Variants in CACNA2D1 observed in about 807,000 individuals in gnomAD.
CACNA2D1 encodes the protein calcium voltage-gated channel auxiliary subunit alpha2delta 1.
CACNA2D1 carries 53 observed loss-of-function variants against 171.5 expected under a neutral mutation model. That is an observed-to-expected ratio of 0.31 (90% CI 0.25 to 0.39). The LOEUF (loss-of-function observed/expected upper bound fraction) is 0.39. Ranked by LOEUF, CACNA2D1 falls within the 10% of genes least tolerant of loss-of-function variation. The pLI is 1.00. For missense variants in CACNA2D1, 903 were observed against 1,299.8 expected (o/e 0.69, Z 4.69); for synonymous variants, 442 against 443.1 (o/e 1.00, Z 0.03).
intron 3 of CACNA2D1, among the ~76,000 whole-genome samples, chr7:82,221,200 T>C (rs975473184): frequency 7.9e-5 from 12 of 151,974 alleles, no homozygotes; most frequent in Non-Finnish European, 1.8e-4. Context: ...GTGTATATTC[T>C]ACACACATGC....
At chr7:82,426,687 A>T (rs1267911980) in intron 1 of CACNA2D1, among the ~76,000 whole-genome samples, 1 of 152,176 alleles carries the variant, frequency 6.6e-6, no homozygotes, top group African/African-American at 2.4e-5. Context: ...AAGGGAGAAC[A>T]CCTAGGGCCT....
chr7:82,290,302 G>A (rs976603876), intron 3 of CACNA2D1, among the ~76,000 whole-genome samples: 1 of 152,016 alleles, frequency 6.6e-6, no homozygotes, highest in African/African-American at 2.4e-5. Flanking sequence ...ATTAATTGTT[G>A]TTATTTTAAT....
chr7:82,024,539 A>G (rs1466925770), intron 12 of CACNA2D1, among the ~76,000 whole-genome samples: 3 of 151,724 alleles, frequency 2.0e-5, no homozygotes, highest in Non-Finnish European at 4.4e-5. Flanking sequence ...CATATTTTGT[A>G]TACTAACCCC....
intron 22 of CACNA2D1, 152 bp from the exon 23 acceptor site, chr7:81,983,486 A>C (rs1796645825): frequency 1.5e-6 from 1 of 676,288 alleles, no homozygotes; most frequent in Admixed American, 2.5e-5. Context: ...CTGTAGTCTG[A>C]GGAAAAAAAA....
In CACNA2D1 at chr7:81,968,962, C is replaced by A. The variant is rs761701811; in HGVS notation, c.2320G>T (p.Gly774Cys). 2 of 1,572,948 alleles carry A rather than the reference C, an allele frequency of 1.3e-6. No homozygotes were observed. Among genetic ancestry groups the A allele is most frequent in the East Asian group, 2.2e-5 (1 of 44,478 alleles). The change falls in exon 29 of 39, where the codon GGT becomes TGT. Residue 774 changes from glycine (G) to cysteine (C), a missense_variant. Physicochemically the swap from Gly to Cys is radical, Grantham distance 159. Around this residue, in one of 5 missense-constraint regions of CACNA2D1, gnomAD observed 623 missense variants for 925.5 expected, o/e 0.67. Coordinates refer to ENST00000356860, the MANE Select transcript of CACNA2D1 (RefSeq NM_000722.4). ...TAPYFNKSGP[G>C]AYESGIMVSK... is the part of the protein sequence containing the mutation. ...ACCATAATGCCCGATTCATAGGCAC[C>A]AGGTCCACTTTCTAAAAAAAAAATA...
intron 7 of CACNA2D1, among the ~76,000 whole-genome samples, chr7:82,069,196 T>C (rs1808021582): frequency 6.6e-6 from 1 of 152,128 alleles, no homozygotes; most frequent in Non-Finnish European, 1.5e-5. Flanking sequence ...TTATGAAAGA[T>C]CAAAGAGTAA....
chr7:81,961,916 A>T lies in CACNA2D1; in HGVS notation c.2944T>A (p.Leu982Ile), dbSNP rs1391044777. 6.2e-7 allele frequency: 1 copy of T among 1,610,040 alleles called. No individual in the cohort carries two copies. Among genetic ancestry groups the T allele is most frequent in the Non-Finnish European group, 8.5e-7 (1 of 1,176,848 alleles). ...DNDSKSFSGV[L>I]DCGNCSRIFH... ...TACCTGGAACAGTTTCCACAGTCTAATACACCACTGAATGATTTACTGTCG... is the reference window on the plus strand; with the variant it reads ...TACCTGGAACAGTTTCCACAGTCTATTACACCACTGAATGATTTACTGTCG... The change falls in exon 36 of 39, where the codon TTA becomes ATA. Residue 982 changes from leucine (L) to isoleucine (I), a missense_variant. Leu to Ile is a conservative substitution (Grantham distance 5, BLOSUM62 2). Transcript: ENST00000356860.
At chr7:82,198,378 A>G (rs1799062068) in intron 3 of CACNA2D1, among the ~76,000 whole-genome samples, 1 of 152,076 alleles carries the variant, frequency 6.6e-6, no homozygotes, top group Non-Finnish European at 1.5e-5. Context: ...GAGTCTCATT[A>G]TTTACCACCT....
At chr7:82,031,563 CTGTAGTACA>C (rs1476750306) in intron 12 of CACNA2D1, among the ~76,000 whole-genome samples, 1 of 151,892 alleles carries the variant, frequency 6.6e-6, no homozygotes, top group African/African-American at 2.4e-5. Flanking sequence ...CTGTATGACA[CTGTAGTACA>C]TGCAGTAAGC....
In CACNA2D1 at chr7:81,968,965, G is replaced by T; in HGVS notation, c.2317C>A (p.Pro773Thr). The change falls in exon 29 of 39, where the codon CCT becomes ACT. Residue 773 changes from proline to threonine, a missense_variant. Pro to Thr is a conservative substitution (Grantham distance 38, BLOSUM62 -1). Around this residue, in one of 5 missense-constraint regions of CACNA2D1, gnomAD observed 623 missense variants for 925.5 expected, o/e 0.67. Coordinates refer to ENST00000356860, the MANE Select transcript of CACNA2D1 (RefSeq NM_000722.4). The stretch of plus-strand genomic sequence containing the variant: ...ATAATGCCCGATTCATAGGCACCAG[G>T]TCCACTTTCTAAAAAAAAAATAAAT... The part of the protein sequence containing the change: ...FTAPYFNKSG[P>T]GAYESGIMVS... 1 of 1,565,368 alleles carries T rather than the reference G, an allele frequency of 6.4e-7. No homozygotes were observed. The highest frequency in any genetic ancestry group is 8.8e-7 in the Non-Finnish European group (1 of 1,139,614).
At chr7:82,133,183 A>G (rs150382601) in intron 5 of CACNA2D1, among the ~76,000 whole-genome samples, 95 of 152,326 alleles carry the variant, frequency 6.2e-4, no homozygotes, top group African/African-American at 2.1e-3. Context: ...ATAAATATTT[A>G]CATACTGCTT....
intron 10 of CACNA2D1, among the ~76,000 whole-genome samples, chr7:82,045,131 G>A (rs201606071): frequency 0.011 from 1,676 of 146,216 alleles, 61 homozygotes; most frequent in Admixed American, 0.083. Flanking sequence ...AGAAAAAAAT[G>A]CTTTCTAGGT....
At chr7:82,330,640 A>G (rs1211412882) in intron 3 of CACNA2D1, among the ~76,000 whole-genome samples, 1 of 152,150 alleles carries the variant, frequency 6.6e-6, no homozygotes. Flanking sequence ...TTCTTTCACT[A>G]AATCATTCTT....
chr7:82,100,002 G>A (rs1253667693), intron 6 of CACNA2D1, among the ~76,000 whole-genome samples: 1 of 151,986 alleles, frequency 6.6e-6, no homozygotes, highest in Non-Finnish European at 1.5e-5. Flanking sequence ...CCAAGGTGAT[G>A]GGTTGCATGT....
intron 3 of CACNA2D1, among the ~76,000 whole-genome samples, chr7:82,308,583 T>G (rs959464494): frequency 1.3e-5 from 2 of 152,188 alleles, no homozygotes; most frequent in Non-Finnish European, 2.9e-5. Context: ...TTGCTGCCCA[T>G]TTTCAAACTT....
intron 6 of CACNA2D1, among the ~76,000 whole-genome samples, chr7:82,114,701 A>T (rs1005256440): frequency 6.7e-5 from 10 of 148,342 alleles, no homozygotes; most frequent in Non-Finnish European, 1.2e-4. Flanking sequence ...GGTTGCAGTG[A>T]GCTGAGATTG....
At chr7:82,427,746 G>C (rs1405659812) in intron 1 of CACNA2D1, among the ~76,000 whole-genome samples, 3 of 152,160 alleles carry the variant, frequency 2.0e-5, no homozygotes, top group Non-Finnish European at 2.9e-5. Flanking sequence ...ATTAAACTCT[G>C]ATGTTCAAAA....
At chr7:82,321,893 G>A (rs547071824) in intron 3 of CACNA2D1, among the ~76,000 whole-genome samples, 139 of 151,888 alleles carry the variant, frequency 9.2e-4, no homozygotes, top group African/African-American at 3.2e-3. Flanking sequence ...TTGGGAGGCC[G>A]AGGCGGGCGG....
At chr7:82,374,621 C>T (rs1585706279) in intron 1 of CACNA2D1, among the ~76,000 whole-genome samples, 1 of 152,044 alleles carries the variant, frequency 6.6e-6, no homozygotes, top group East Asian at 1.9e-4. Flanking sequence ...TAAATAAAGC[C>T]GAATGAAAGG....
Sources: allele counts gnomAD v4.1 joint callset (sites outside exome capture counted in the v4.1 genomes callset), GRCh38; gene constraint gnomAD v4.1.1; regional missense constraint gnomAD v4.1.1; transcripts MANE v1.5; gene names NCBI Gene and HGNC (gene_info 2026-07-23, HGNC 2026-07-21).